The following COPS4 variants were observed in gnomAD, a reference collection of about 807,000 sequenced individuals.
COPS4 encodes the protein COP9 signalosome subunit 4.
Under a neutral mutation model 55.1 loss-of-function variants are expected in COPS4, and 8 were observed. The observed-to-expected ratio is 0.15, with a 90% CI of 0.09 to 0.26. COPS4 has a LOEUF of 0.26. Ranked by LOEUF, COPS4 falls within the 10% of genes least tolerant of loss-of-function variation. The pLI is 1.00. For missense variants in COPS4, 248 were observed against 484.0 expected, an observed-to-expected ratio of 0.51 and a Z score of 4.58; for synonymous variants, 185 against 165.7, an observed-to-expected ratio of 1.12 and a Z score of -0.90.
At chr4:83,050,954 G>T (rs1337099497) in intron 4 of COPS4, among the ~76,000 whole-genome samples, 2 of 151,972 alleles carry the variant, frequency 1.3e-5, no homozygotes, top group African/African-American at 4.8e-5. Context: ...TAGAAGTAGG[G>T]ATATTGGTTA....
chr4:83,066,120 C>T (rs1031306836), intron 7 of COPS4, among the ~76,000 whole-genome samples: 16 of 152,060 alleles, frequency 1.1e-4, no homozygotes, highest in African/African-American at 3.4e-4. Context: ...CCACTGCATT[C>T]CAGTCTGGGC....
intron 4 of COPS4, among the ~76,000 whole-genome samples, chr4:83,050,433 G>A (rs1730862946): frequency 6.6e-6 from 1 of 152,034 alleles, no homozygotes; most frequent in Non-Finnish European, 1.5e-5. Flanking sequence ...AAGTAGCTGG[G>A]ACTACAGGCA....
intron 4 of COPS4, among the ~76,000 whole-genome samples, chr4:83,053,841 A>AAAAAAAAAG (rs1730950689): frequency 6.6e-6 from 1 of 151,234 alleles, no homozygotes; most frequent in Admixed American, 6.6e-5. Flanking sequence ...CTCTGTCTCA[A>AAAAAAAAAG]AAAAAAAAAA....
At chr4:83,071,063 T>C (rs1292128896) in intron 9 of COPS4, among the ~76,000 whole-genome samples, 1 of 152,232 alleles carries the variant, frequency 6.6e-6, no homozygotes, top group Non-Finnish European at 1.5e-5. Flanking sequence ...TTCCTGACTT[T>C]CCAGATTAGA....
chr4:83,057,209 C>T (rs1367152781), intron 5 of COPS4, 49 bp from the exon 6 acceptor site: 2 of 1,545,852 alleles, frequency 1.3e-6, no homozygotes, highest in Non-Finnish European at 1.8e-6. Context: ...TTTTGTTTAA[C>T]TCTTGCTTTT....
chr4:83,075,444 T>G lies in COPS4; in HGVS notation c.*14T>G. 1 of 1,613,684 alleles carries G rather than the reference T, an allele frequency of 6.2e-7. No individual in the cohort carries two copies. Among genetic ancestry groups the G allele is most frequent in the South Asian group, 1.1e-5 (1 of 90,956 alleles). ...ATGGCTCAGTGAATCCTTGCAGAAC[T>G]TCTGTGCACATGACATCTTTTTCCA... On this transcript the variant is annotated 3_prime_UTR_variant, in exon 10 of 10. Coordinates refer to ENST00000264389, the MANE Select transcript of COPS4 (RefSeq NM_016129.3).
chr4:83,039,301 A>G (rs1383069501), intron 1 of COPS4, among the ~76,000 whole-genome samples: 1 of 152,204 alleles, frequency 6.6e-6, no homozygotes, highest in Non-Finnish European at 1.5e-5. Flanking sequence ...ATTAGCCAGT[A>G]TGTTAGTCTG....
At chr4:83,060,714 AACAT>A (rs1731143895) in intron 6 of COPS4, among the ~76,000 whole-genome samples, 1 of 151,808 alleles carries the variant, frequency 6.6e-6, no homozygotes, top group Non-Finnish European at 1.5e-5. Flanking sequence ...TACTTTCTTT[AACAT>A]AATAAGTTAG....
intron 1 of COPS4, among the ~76,000 whole-genome samples, chr4:83,041,560 G>C (rs1730569156): frequency 6.6e-6 from 1 of 152,188 alleles, no homozygotes; most frequent in African/African-American, 2.4e-5. Flanking sequence ...TCCACCTCCT[G>C]GGTTCAAGTG....
intron 7 of COPS4, among the ~76,000 whole-genome samples, chr4:83,066,146 T>G (rs545406869): frequency 1.2e-4 from 19 of 152,154 alleles, no homozygotes; most frequent in African/African-American, 4.6e-4. Context: ...AATGAAACTC[T>G]GTCTCAAAAA....
intron 2 of COPS4, among the ~76,000 whole-genome samples, chr4:83,047,119 G>A (rs751849268): frequency 5.9e-5 from 9 of 152,124 alleles, no homozygotes; most frequent in Non-Finnish European, 8.8e-5. Flanking sequence ...AACTTAAAAG[G>A]TTACTGCCTT....
chr4:83,036,267 C>T (rs1478813783), intron 1 of COPS4, among the ~76,000 whole-genome samples: 1 of 151,424 alleles, frequency 6.6e-6, no homozygotes, highest in Non-Finnish European at 1.5e-5. Context: ...GACCCCCCCC[C>T]CCGCCGCCAC....
In COPS4 at chr4:83,069,352, C is replaced by T. The variant is rs140270264; in HGVS notation, c.1087+830C>T. Among the ~76,000 whole-genome samples, 28 of 152,286 alleles carry T rather than the reference C, an allele frequency of 1.8e-4. No homozygotes were observed. In the East Asian group the frequency reaches 3.7e-3, roughly 20 times the overall value. On this transcript the variant is annotated intron_variant, in intron 9 of 9. Transcript: ENST00000264389. The stretch of plus-strand genomic sequence containing the variant: ...TCTCTAGTGGTCTGTGGTCTGTCTC[C>T]GTTACTCTCAGTTCAATTCTTCCTT...
intron 4 of COPS4, among the ~76,000 whole-genome samples, chr4:83,052,879 G>A (rs1730920573): frequency 6.6e-6 from 1 of 152,174 alleles, no homozygotes; most frequent in Non-Finnish European, 1.5e-5. Context: ...GAGCCACCAT[G>A]CCCAGCCTTG....
At chr4:83,060,567 A>G (rs1175027708) in intron 6 of COPS4, among the ~76,000 whole-genome samples, 2 of 151,542 alleles carry the variant, frequency 1.3e-5, no homozygotes, top group East Asian at 2.0e-4. Context: ...CGGCCTCCCA[A>G]AGTGCTGGGA....
chr4:83,056,882 T>C (rs780649001), intron 4 of COPS4, 44 bp from the exon 5 acceptor site: 2 of 1,474,284 alleles, frequency 1.4e-6, no homozygotes, highest in African/African-American at 2.8e-5. Context: ...AAAATTTTCT[T>C]GACAAAATGT....
intron 1 of COPS4, among the ~76,000 whole-genome samples, chr4:83,039,509 G>A (rs1431933750): frequency 2.0e-5 from 3 of 152,198 alleles, no homozygotes; most frequent in Admixed American, 2.0e-4. Flanking sequence ...GGTACTGGGA[G>A]TGAAATTATA....
chr4:83,070,393 T>C (rs895020174), intron 9 of COPS4, among the ~76,000 whole-genome samples: 2 of 152,352 alleles, frequency 1.3e-5, no homozygotes, highest in African/African-American at 2.4e-5. Context: ...TGTTTCTACC[T>C]GATTGCTTCA....
At chr4:83,056,903 T>C (rs755045428) in intron 4 of COPS4, 23 bp from the exon 5 acceptor site, 5 of 1,545,196 alleles carry the variant, frequency 3.2e-6, no homozygotes, top group East Asian at 2.3e-5. Context: ...TGAGTCATTA[T>C]GTGTTTTTCT....
Sources: gnomAD v4.1 joint callset for allele counts (sites outside exome capture counted in the v4.1 genomes callset) on GRCh38, gnomAD v4.1.1 for gene constraint, MANE v1.5 for transcripts, NCBI Gene and HGNC (gene_info 2026-07-23, HGNC 2026-07-21) for gene names.